DOCK1: variants seen among roughly 807,000 people sequenced by gnomAD.
The protein encoded by DOCK1 is dedicator of cytokinesis 1.
DOCK1 carries 138 observed loss-of-function variants against 262.7 expected under a neutral mutation model. The ratio of observed to expected loss-of-function variants is 0.53; its 90% CI spans 0.46 to 0.61. The LOEUF is 0.61. Ranked by LOEUF, DOCK1 falls within the 20% of genes least tolerant of loss-of-function variation. The probability of loss-of-function intolerance (pLI) is 0.00; values close to 1 mark genes in which losing one functional copy is unlikely to be tolerated. For synonymous variants in DOCK1, 866 were observed against 867.4 expected, an observed-to-expected ratio of 1.00 and a Z score of 0.03; for missense variants, 1,908 against 2,370.7, an observed-to-expected ratio of 0.80 and a Z score of 4.05.
At chr10:127,434,923 A>G (rs912662902) in intron 48 of DOCK1, among the ~76,000 whole-genome samples, 1 of 152,086 alleles carries the variant, frequency 6.6e-6, no homozygotes, top group Non-Finnish European at 1.5e-5. Context: ...AAATGCTGGG[A>G]TTACAGGTGT....
chr10:127,419,092 T>C (rs2068339669), intron 45 of DOCK1, among the ~76,000 whole-genome samples: 1 of 152,204 alleles, frequency 6.6e-6, no homozygotes, highest in Non-Finnish European at 1.5e-5. Context: ...ATACTGTAAC[T>C]GGCGAGTTGA....
At chr10:127,062,450 C>T (rs1365110070) in intron 23 of DOCK1, among the ~76,000 whole-genome samples, 3 of 152,176 alleles carry the variant, frequency 2.0e-5, no homozygotes, top group Non-Finnish European at 2.9e-5. Flanking sequence ...TATTGTTGAC[C>T]GTCTTCACTC....
intron 32 of DOCK1, among the ~76,000 whole-genome samples, chr10:127,356,567 C>T (rs190373485): frequency 9.9e-5 from 15 of 152,166 alleles, no homozygotes; most frequent in East Asian, 3.9e-4. Flanking sequence ...TTAGGCCAGA[C>T]GGCAGGCCCC....
intron 25 of DOCK1, among the ~76,000 whole-genome samples, chr10:127,119,393 G>A (rs1353950146): frequency 1.3e-5 from 2 of 152,316 alleles, no homozygotes; most frequent in East Asian, 3.9e-4. Flanking sequence ...TAGAGGTGCA[G>A]TCCTGAAGGT....
chr10:127,079,367 A>G (rs1564787493), intron 23 of DOCK1, among the ~76,000 whole-genome samples: 3 of 152,188 alleles, frequency 2.0e-5, no homozygotes, highest in Admixed American at 2.0e-4. Flanking sequence ...TTCTGTCTGC[A>G]TTTCCTCTCT....
At chr10:127,053,416 G>A (rs1462674918) in intron 22 of DOCK1, among the ~76,000 whole-genome samples, 1 of 152,192 alleles carries the variant, frequency 6.6e-6, no homozygotes, top group Non-Finnish European at 1.5e-5. Flanking sequence ...GGCAGACTCT[G>A]GGATTTCCTC....
At chr10:127,196,449 C>T (rs1218931268) in intron 27 of DOCK1, among the ~76,000 whole-genome samples, 1 of 148,426 alleles carries the variant, frequency 6.7e-6, no homozygotes, top group Non-Finnish European at 1.5e-5. Flanking sequence ...GGGGGCGGGG[C>T]AGAGGAGGGA....
intron 39 of DOCK1, among the ~76,000 whole-genome samples, chr10:127,403,967 C>A (rs555323111): frequency 3.9e-5 from 6 of 152,254 alleles, no homozygotes; most frequent in African/African-American, 1.2e-4. Context: ...TCTCTTTGAA[C>A]GTATCCCACT....
intron 29 of DOCK1, among the ~76,000 whole-genome samples, chr10:127,313,569 C>T (rs773842032): frequency 1.6e-4 from 24 of 152,160 alleles, no homozygotes; most frequent in Non-Finnish European, 2.8e-4. Context: ...TTGCTTTAGA[C>T]CTAACCGTAC....
chr10:126,930,470 G>A (rs963660188), intron 1 of DOCK1, among the ~76,000 whole-genome samples: 1 of 152,212 alleles, frequency 6.6e-6, no homozygotes, highest in Non-Finnish European at 1.5e-5. Context: ...CGTGACCATC[G>A]GGGTGGGGAA....
At position 127,409,306 on chromosome 10, in the gene DOCK1, A is replaced by G. The variant is rs745838203; in HGVS notation, c.4265-7A>G. ...TGCCTTAGTGATCCTTAACCCCCTCACCTCAGATATTCAGTGCTTCACAGT... is the reference window on the plus strand; with the variant it reads ...TGCCTTAGTGATCCTTAACCCCCTCGCCTCAGATATTCAGTGCTTCACAGT... On this transcript the variant is annotated splice_polypyrimidine_tract_variant and splice_region_variant and intron_variant, in intron 41 of 51. Transcript: ENST00000623213. 7.4e-6 allele frequency: 12 copies of G among 1,613,606 alleles called. No individual in the cohort carries two copies. In the African/African-American group the frequency reaches 1.5e-4, roughly 20 times the overall value.
At chr10:126,954,263 A>T (rs1435093303) in intron 1 of DOCK1, among the ~76,000 whole-genome samples, 1 of 152,254 alleles carries the variant, frequency 6.6e-6, no homozygotes, top group Non-Finnish European at 1.5e-5. Context: ...GCCCTTGCAG[A>T]TGAGGCAGCT....
intron 12 of DOCK1, among the ~76,000 whole-genome samples, chr10:127,016,921 C>T (rs1397664489): frequency 1.6e-5 from 2 of 124,470 alleles, no homozygotes; most frequent in Non-Finnish European, 3.5e-5. Flanking sequence ...ATACACCACA[C>T]ACCACACACA....
At chr10:127,364,266 C>T (rs1417429770) in intron 33 of DOCK1, among the ~76,000 whole-genome samples, 1 of 152,256 alleles carries the variant, frequency 6.6e-6, no homozygotes, top group Non-Finnish European at 1.5e-5. Flanking sequence ...AACCTCTACA[C>T]ACCCACAGCT....
intron 23 of DOCK1, among the ~76,000 whole-genome samples, chr10:127,083,008 T>C (rs971246334): frequency 2.6e-5 from 4 of 152,220 alleles, no homozygotes; most frequent in African/African-American, 9.7e-5. Context: ...CTATATCCAC[T>C]GCAGAGGCCA....
At chr10:127,226,626 C>T (rs1463384079) in intron 27 of DOCK1, among the ~76,000 whole-genome samples, 1 of 152,086 alleles carries the variant, frequency 6.6e-6, no homozygotes, top group Non-Finnish European at 1.5e-5. Flanking sequence ...TGCCTGTAAT[C>T]CCAAGTACTC....
chr10:127,127,004 G>T (rs572184153), intron 26 of DOCK1, among the ~76,000 whole-genome samples: 1 of 152,182 alleles, frequency 6.6e-6, no homozygotes, highest in Non-Finnish European at 1.5e-5. Flanking sequence ...CCAAAGGCCA[G>T]CCTCCAGTGG....
chr10:127,034,809 C>T (rs895708275), intron 18 of DOCK1, among the ~76,000 whole-genome samples: 14 of 152,296 alleles, frequency 9.2e-5, no homozygotes, highest in South Asian at 4.1e-4. Context: ...CTCTGAGCTG[C>T]GGTTAGGTGA....
At chr10:127,104,645 C>T (rs1441317985) in intron 23 of DOCK1, among the ~76,000 whole-genome samples, 1 of 152,146 alleles carries the variant, frequency 6.6e-6, no homozygotes, top group Non-Finnish European at 1.5e-5. Flanking sequence ...TATTCATTTT[C>T]CAATTTGATT....
Sources: allele counts gnomAD v4.1 joint callset (sites outside exome capture counted in the v4.1 genomes callset), GRCh38; gene constraint gnomAD v4.1.1; transcripts MANE v1.5; gene names NCBI Gene and HGNC (gene_info 2026-07-23, HGNC 2026-07-21).